The following CTPS2 variants were observed in gnomAD, a reference collection of about 807,000 sequenced individuals.
CTPS2 encodes CTP synthase 2, also known as CTP synthase II.
In CTPS2, 19 loss-of-function variants were observed where a neutral mutation model predicts 46.8. The ratio of observed to expected loss-of-function variants is 0.41; its 90% CI spans 0.28 to 0.60. The LOEUF (loss-of-function observed/expected upper bound fraction) is 0.60. Ranked by LOEUF, CTPS2 falls within the 20% of genes least tolerant of loss-of-function variation. The pLI, the probability that CTPS2 is intolerant of heterozygous loss-of-function variation, is 0.35. For missense variants in CTPS2, 286 were observed against 447.6 expected (o/e 0.64, Z 3.26); for synonymous variants, 151 against 165.2 (o/e 0.91, Z 0.66).
At chrX:16,670,209 G>A (rs1046032693) in intron 11 of CTPS2, among the ~76,000 whole-genome samples, 1 of 112,001 alleles carries the variant, frequency 8.9e-6, no homozygotes, top group African/African-American at 3.2e-5. Context: ...CTACCCAGCT[G>A]GAATAGCAGC....
chrX:16,711,352 G>A (rs1169199359), intron 1 of CTPS2, among the ~76,000 whole-genome samples: 3 of 111,499 alleles, frequency 2.7e-5, no homozygotes, highest in African/African-American at 6.5e-5. Flanking sequence ...ATCTCAGTAC[G>A]GATTTTGCCA....
At chrX:16,605,961 C>T (rs895103914) in intron 17 of CTPS2, among the ~76,000 whole-genome samples, 1 of 112,392 alleles carries the variant, frequency 8.9e-6, no homozygotes, top group Admixed American at 9.4e-5. Context: ...CTAACTGCTG[C>T]CATTCTGTAG....
At chrX:16,633,270 T>A (rs1004135358) in intron 14 of CTPS2, among the ~76,000 whole-genome samples, 7 of 109,538 alleles carry the variant, frequency 6.4e-5, no homozygotes, top group Admixed American at 5.9e-4. Flanking sequence ...AATTTTTTTG[T>A]AGAGACAGGG....
At chrX:16,609,423 G>GA (rs1930151365) in intron 17 of CTPS2, 118 bp downstream of exon 17, 1 of 741,762 alleles carries the variant, frequency 1.3e-6, no homozygotes, top group South Asian at 2.8e-5. Flanking sequence ...ATGTTTAAGA[G>GA]AAAAAAACTG....
At chrX:16,690,713 A>G (rs1923623496) in intron 7 of CTPS2, among the ~76,000 whole-genome samples, 1 of 111,877 alleles carries the variant, frequency 8.9e-6, no homozygotes, top group Non-Finnish European at 1.9e-5. Flanking sequence ...AGAGACAGAG[A>G]TGAGAGAAGG....
At chrX:16,590,657 G>T in intron 18 of CTPS2, 95 bp downstream of exon 18, 1 of 448,758 alleles carries the variant, frequency 2.2e-6, no homozygotes, top group Non-Finnish European at 3.9e-6. Context: ...AAAGGGGCAA[G>T]ATCCTGTGAG....
At chrX:16,674,868 GA>G (rs377154471) in intron 10 of CTPS2, among the ~76,000 whole-genome samples, 8 of 110,297 alleles carry the variant, frequency 7.3e-5, no homozygotes, top group African/African-American at 2.6e-4. Context: ...TATGCGTGTG[GA>G]CATTGGCTAA....
chrX:16,615,070 GGA>G (rs1338199972), intron 16 of CTPS2, among the ~76,000 whole-genome samples: 3 of 111,616 alleles, frequency 2.7e-5, no homozygotes, highest in Non-Finnish European at 3.8e-5. Context: ...CAGCTACTCG[GGA>G]GGGTGAGGCA....
Position 16,681,964 on chromosome X carries a change from C to T in CTPS2, c.1005+1130G>A, listed in dbSNP as rs143001127. Among the ~76,000 whole-genome samples the T allele has an allele frequency of 7.9e-3, 884 of 112,060 alleles. 7 individuals are homozygous for T. Among genetic ancestry groups the T allele is most frequent in the African/African-American group, 0.027 (840 of 30,867 alleles). On this transcript the variant is annotated intron_variant, in intron 9 of 18. Coordinates refer to ENST00000359276, the MANE Select transcript of CTPS2 (RefSeq NM_175859.3). ...TCTGTTATTCCACAATACTGAGTTT[C>T]CAAAACAAATAATCACTGTTTGCTA... is the stretch of plus-strand genomic sequence containing the variant.
Position 16,638,685 on chromosome X carries a change from C to T in CTPS2, c.1393+462G>A, listed in dbSNP as rs950027768. On this transcript the variant is annotated intron_variant, in intron 14 of 18. Coordinates refer to ENST00000359276, the MANE Select transcript of CTPS2 (RefSeq NM_175859.3). ...GGGGCTGCCAGGGAACAGAGAAATACGCTTCTGAGGTGCATAACTGCCCTC... is the reference window on the plus strand; with the variant it reads ...GGGGCTGCCAGGGAACAGAGAAATATGCTTCTGAGGTGCATAACTGCCCTC... 9.3e-5 allele frequency: 20 copies of T among 215,698 alleles called. No individual in the cohort carries two copies. The East Asian group carries it at 1.3e-3, about 14-fold the overall frequency. 17.8% of individuals were successfully genotyped at this position (215,698 alleles called of 1,213,427 possible). A position where few individuals can be genotyped will look rare whatever the true frequency, so the allele number is the denominator to read the frequency against.
At chrX:16,690,001 G>A (rs1439563130) in intron 7 of CTPS2, among the ~76,000 whole-genome samples, 2 of 103,348 alleles carry the variant, frequency 1.9e-5, no homozygotes, top group Non-Finnish European at 3.9e-5. Flanking sequence ...GCAGTGAGTC[G>A]AGATCGCACC....
intron 15 of CTPS2, among the ~76,000 whole-genome samples, chrX:16,618,703 T>C (rs940975768): frequency 8.9e-6 from 1 of 111,940 alleles, no homozygotes; most frequent in African/African-American, 3.2e-5. Context: ...TCACTAATGA[T>C]TGTTGGGCAT....
chrX:16,644,441 A>G (rs1413563608), intron 13 of CTPS2, among the ~76,000 whole-genome samples: 1 of 111,798 alleles, frequency 8.9e-6, no homozygotes, highest in African/African-American at 3.3e-5. Context: ...CCCAGCCTGT[A>G]AATTGAGGCT....
At chrX:16,690,881 G>A (rs908124112) in intron 7 of CTPS2, among the ~76,000 whole-genome samples, 1 of 112,456 alleles carries the variant, frequency 8.9e-6, no homozygotes, top group Non-Finnish European at 1.9e-5. Flanking sequence ...ACGTGCTCGT[G>A]TGTTTGGGGT....
intron 17 of CTPS2, among the ~76,000 whole-genome samples, chrX:16,603,940 A>G (rs1929825036): frequency 9.0e-6 from 1 of 111,683 alleles, no homozygotes; most frequent in Non-Finnish European, 1.9e-5. Flanking sequence ...GGCTAAGCAC[A>G]GAGGAGAGAA....
chrX:16,672,188 C>G (rs1259702971), intron 10 of CTPS2, among the ~76,000 whole-genome samples: 2 of 111,392 alleles, frequency 1.8e-5, no homozygotes, highest in Non-Finnish European at 3.8e-5. Flanking sequence ...CTGCCTTGCA[C>G]TCTTTGCTGA....
Position 16,695,975 on chromosome X carries a change from C to T in CTPS2, c.438+2261G>A, listed in dbSNP as rs774570516. ...AAATGATCCTCCTGCCTCAGCCTCC[C>T]AAGTAGCTGGGACTACAGACCTGCA... On this transcript the variant is annotated intron_variant, in intron 4 of 18. Transcript: ENST00000359276. 3.2e-4 allele frequency among the ~76,000 whole-genome samples: 36 copies of T among 112,086 alleles called. No homozygotes were observed. In the Admixed American group the frequency reaches 3.5e-3, roughly 11 times the overall value.
At chrX:16,668,739 GAGAAAGAA>G (rs1422381955) in intron 11 of CTPS2, among the ~76,000 whole-genome samples, 1 of 85,650 alleles carries the variant, frequency 1.2e-5, no homozygotes. Context: ...GGGAGAAAGA[GAGAAAGAA>G]AGAAAGAAGG....
At chrX:16,687,732 A>C (rs1405889002) in intron 8 of CTPS2, among the ~76,000 whole-genome samples, 1 of 110,710 alleles carries the variant, frequency 9.0e-6, no homozygotes, top group Non-Finnish European at 1.9e-5. Flanking sequence ...GAAAATCTAA[A>C]GCATTTTTTA....
Sources: allele counts gnomAD v4.1 joint callset (sites outside exome capture counted in the v4.1 genomes callset), GRCh38; gene constraint gnomAD v4.1.1; transcripts MANE v1.5; gene names NCBI Gene and HGNC (gene_info 2026-07-23, HGNC 2026-07-21).